GRID1: variants seen among roughly 807,000 people sequenced by gnomAD.
GRID1 encodes glutamate receptor ionotropic, delta-1.
GRID1 carries 28 observed loss-of-function variants against 98.0 expected under a neutral mutation model. The ratio of observed to expected loss-of-function variants is 0.29; its 90% CI spans 0.21 to 0.39. GRID1 has a LOEUF of 0.39. Ranked by LOEUF, GRID1 falls within the 10% of genes least tolerant of loss-of-function variation. The probability of loss-of-function intolerance (pLI) is 1.00; values close to 1 mark genes in which losing one functional copy is unlikely to be tolerated. For missense variants in GRID1, 1,111 were observed against 1,340.5 expected (o/e 0.83, Z 2.67); for synonymous variants, 553 against 538.5 (o/e 1.03, Z -0.37).
At chr10:85,673,225 T>C (rs563112544) in intron 12 of GRID1, among the ~76,000 whole-genome samples, 1 of 152,334 alleles carries the variant, frequency 6.6e-6, no homozygotes, top group Non-Finnish European at 1.5e-5. Flanking sequence ...GAACATTTGT[T>C]TCTTACAGAT....
chr10:86,035,764 A>G (rs1340923160), intron 4 of GRID1, among the ~76,000 whole-genome samples: 6 of 152,256 alleles, frequency 3.9e-5, no homozygotes, highest in Non-Finnish European at 8.8e-5. Context: ...AAATATGTTT[A>G]TAATATAACA....
intron 4 of GRID1, among the ~76,000 whole-genome samples, chr10:86,022,280 T>G (rs1426195758): frequency 6.6e-6 from 1 of 152,260 alleles, no homozygotes; most frequent in East Asian, 1.9e-4. Flanking sequence ...AAATTTTTTC[T>G]AATACTTGAA....
intron 2 of GRID1, among the ~76,000 whole-genome samples, chr10:86,324,525 G>A (rs1477680229): frequency 6.6e-6 from 1 of 152,150 alleles, no homozygotes; most frequent in Non-Finnish European, 1.5e-5. Flanking sequence ...GCCCTGTGGT[G>A]CAGCAAAGAC....
At chr10:85,605,582 AAAAG>A (rs756613627) in intron 15 of GRID1, 5 of 152,226 alleles carry the variant, frequency 3.3e-5, no homozygotes, top group Non-Finnish European at 5.9e-5. Context: ...TTTGAAGATG[AAAAG>A]AAAGAAAGTT....
chr10:86,017,164 T>C (rs1373037228), intron 4 of GRID1, among the ~76,000 whole-genome samples: 1 of 152,232 alleles, frequency 6.6e-6, no homozygotes, highest in East Asian at 1.9e-4. Flanking sequence ...GATAAAACAT[T>C]TGTTTGAGAC....
chr10:85,822,345 AAAAC>A lies in GRID1; in HGVS notation c.1233+32147_1233+32150del, dbSNP rs1842780519. On this transcript the variant is annotated intron_variant, in intron 8 of 15. Transcript: ENST00000327946. ...AGAACTCAAACAAATTTACAAGAAA[AAAAC>A]AAACAACCCCATCAAAAAGTGGGCT... 2.6e-5 allele frequency among the ~76,000 whole-genome samples: 4 copies of A among 152,326 alleles called. No individual in the cohort carries two copies. In the South Asian group the frequency reaches 6.2e-4, roughly 24 times the overall value.
At chr10:85,929,055 C>T (rs1185506907) in intron 4 of GRID1, among the ~76,000 whole-genome samples, 1 of 152,122 alleles carries the variant, frequency 6.6e-6, no homozygotes, top group Non-Finnish European at 1.5e-5. Flanking sequence ...GCTTGGGTCT[C>T]AATATGTTCG....
At chr10:85,739,777 T>C (rs897693642) in intron 8 of GRID1, among the ~76,000 whole-genome samples, 5 of 152,100 alleles carry the variant, frequency 3.3e-5, no homozygotes, top group South Asian at 2.1e-4. Context: ...AATAGCTCCA[T>C]GGTGTGTGGG....
intron 4 of GRID1, among the ~76,000 whole-genome samples, chr10:86,043,043 C>A (rs944270331): frequency 6.6e-6 from 1 of 152,114 alleles, no homozygotes; most frequent in Non-Finnish European, 1.5e-5. Context: ...CGAGATCAAT[C>A]ACTCCACTGC....
chr10:86,110,867 G>A (rs547671028), intron 4 of GRID1, among the ~76,000 whole-genome samples: 2 of 152,334 alleles, frequency 1.3e-5, no homozygotes, highest in South Asian at 2.1e-4. Context: ...TGCTTATTCA[G>A]TAAACAATTC....
intron 3 of GRID1, among the ~76,000 whole-genome samples, chr10:86,205,296 C>T (rs138063453): frequency 3.6e-4 from 55 of 152,328 alleles, no homozygotes; most frequent in Admixed American, 1.5e-3. Flanking sequence ...CATCCTGGCA[C>T]CAGCCGTGGG....
Position 85,779,100 on chromosome 10 carries a change from C to T in GRID1, c.1234-49486G>A, listed in dbSNP as rs547536501. On this transcript the variant is annotated intron_variant, in intron 8 of 15. Transcript: ENST00000327946. ...AGTTAAATACTTTTATTTCTTCATG[C>T]TGTTCATGCAACCAAGCTGCTGTTG... Among the ~76,000 whole-genome samples, 85 of 152,278 alleles carry T rather than the reference C, an allele frequency of 5.6e-4. No individual in the cohort carries two copies. The South Asian group carries it at 0.01, about 19-fold the overall frequency.
chr10:85,935,943 T>A (rs1284213522), intron 4 of GRID1, among the ~76,000 whole-genome samples: 1 of 152,170 alleles, frequency 6.6e-6, no homozygotes, highest in African/African-American at 2.4e-5. Context: ...CTAATAAATA[T>A]TTATGAGGAC....
At chr10:86,219,490 C>T (rs1399667052) in intron 2 of GRID1, among the ~76,000 whole-genome samples, 1 of 152,218 alleles carries the variant, frequency 6.6e-6, no homozygotes, top group Non-Finnish European at 1.5e-5. Context: ...CAGCAAGCCC[C>T]CAGCATGCCT....
At chr10:85,987,837 C>T (rs887318308) in intron 4 of GRID1, among the ~76,000 whole-genome samples, 9 of 151,864 alleles carry the variant, frequency 5.9e-5, no homozygotes, top group African/African-American at 2.2e-4. Flanking sequence ...CACCATTTCA[C>T]ATCTTCACAT....
In GRID1 at chr10:85,855,065, TGC is replaced by T. The variant is rs1370716456; in HGVS notation, c.1114-452_1114-451del. On this transcript the variant is annotated intron_variant, in intron 7 of 15. Transcript: ENST00000327946. ...GGTAAGTTGCAGGGCAGCAAACATGTGCATTGGAGGGCACAGCAAGATCCCTA... is the reference window on the plus strand; with the variant it reads ...GGTAAGTTGCAGGGCAGCAAACATGTATTGGAGGGCACAGCAAGATCCCTA... Among the ~76,000 whole-genome samples, 5 of 152,244 alleles carry T rather than the reference TGC, an allele frequency of 3.3e-5. No individual in the cohort carries two copies. In the South Asian group the frequency reaches 8.3e-4, roughly 25 times the overall value.
At chr10:86,306,330 G>A (rs1252051377) in intron 2 of GRID1, among the ~76,000 whole-genome samples, 1 of 152,172 alleles carries the variant, frequency 6.6e-6, no homozygotes, top group Non-Finnish European at 1.5e-5. Flanking sequence ...GGCTTATACA[G>A]GGCTCTCTTG....
chr10:85,977,796 C>A (rs987205739), intron 4 of GRID1, among the ~76,000 whole-genome samples: 15 of 152,254 alleles, frequency 9.9e-5, no homozygotes, highest in African/African-American at 2.6e-4. Context: ...AAGACCTCCC[C>A]GCCGACCCAG....
At chr10:86,306,257 C>T (rs1247062528) in intron 2 of GRID1, among the ~76,000 whole-genome samples, 15 of 152,210 alleles carry the variant, frequency 9.9e-5, no homozygotes, top group Non-Finnish European at 2.2e-4. Flanking sequence ...GAGCCCCAGG[C>T]CCCAGTTGGT....
Sources: allele counts gnomAD v4.1 joint callset (sites outside exome capture counted in the v4.1 genomes callset), GRCh38; gene constraint gnomAD v4.1.1; transcripts MANE v1.5; gene names NCBI Gene and HGNC (gene_info 2026-07-23, HGNC 2026-07-21).